Variants in IMMP2L observed in about 807,000 individuals in gnomAD.
IMMP2L encodes the protein inner mitochondrial membrane peptidase subunit 2.
In IMMP2L, 18 loss-of-function variants were observed where a neutral mutation model predicts 19.3. The observed-to-expected ratio is 0.93, with a 90% confidence interval of 0.64 to 1.38. The LOEUF is 1.38. IMMP2L is among the 40% of genes most tolerant of loss of function. The pLI is 0.00. For missense variants in IMMP2L, 233 were observed against 218.2 expected (o/e 1.07, Z -0.43); for synonymous variants, 76 against 73.0 (o/e 1.04, Z -0.21).
intron 3 of IMMP2L, among the ~76,000 whole-genome samples, chr7:111,251,652 C>T (rs1816136264): frequency 6.6e-6 from 1 of 152,006 alleles, no homozygotes; most frequent in Non-Finnish European, 1.5e-5. Flanking sequence ...AACAGAAAAC[C>T]AAACACCACG....
intron 5 of IMMP2L, among the ~76,000 whole-genome samples, chr7:110,720,243 G>A (rs910149593): frequency 8.5e-5 from 13 of 152,128 alleles, no homozygotes; most frequent in African/African-American, 3.1e-4. Context: ...TGGCTGTTAA[G>A]AGGCTTATAA....
At chr7:110,830,483 G>A (rs138432681) in intron 5 of IMMP2L, among the ~76,000 whole-genome samples, 162 of 152,198 alleles carry the variant, frequency 1.1e-3, no homozygotes, top group Non-Finnish European at 1.9e-3. Context: ...AGTGGACACA[G>A]TTTTACATAC....
At chr7:111,556,008 C>CTGTG (rs149893305) in intron 1 of IMMP2L, among the ~76,000 whole-genome samples, 5 of 17,244 alleles carry the variant, frequency 2.9e-4, no homozygotes, top group Admixed American at 9.5e-4. Context: ...CATCCCTCTT[C>CTGTG]TGTGTGCATG....
intron 3 of IMMP2L, among the ~76,000 whole-genome samples, chr7:111,342,304 C>T (rs37644): frequency 0.19 from 29,224 of 151,892 alleles, 4,802 homozygotes; most frequent in African/African-American, 0.45. Context: ...ATACAAAGAA[C>T]AAAGGTTGGC....
intron 3 of IMMP2L, among the ~76,000 whole-genome samples, chr7:111,072,003 G>A (rs573027277): frequency 5.3e-5 from 8 of 152,038 alleles, no homozygotes; most frequent in South Asian, 4.1e-4. Context: ...GAGTGAAAAT[G>A]TTAAAAGGAA....
chr7:110,732,193 G>A (rs1796315906), intron 5 of IMMP2L, among the ~76,000 whole-genome samples: 1 of 152,170 alleles, frequency 6.6e-6, no homozygotes, highest in African/African-American at 2.4e-5. Flanking sequence ...GGGAGCTGAA[G>A]AGGCAACAAG....
chr7:111,114,750 AAAAG>A (rs1268984004), intron 3 of IMMP2L, among the ~76,000 whole-genome samples: 2 of 151,790 alleles, frequency 1.3e-5, no homozygotes, highest in African/African-American at 2.4e-5. Flanking sequence ...AAAAAAAAAA[AAAAG>A]AAAGAAAGAA....
chr7:111,352,072 C>T (rs1317658840), intron 3 of IMMP2L, among the ~76,000 whole-genome samples: 1 of 152,032 alleles, frequency 6.6e-6, no homozygotes, highest in Admixed American at 6.6e-5. Flanking sequence ...ATTAACACAA[C>T]AAATATATAC....
intron 4 of IMMP2L, among the ~76,000 whole-genome samples, chr7:110,925,522 C>T (rs923440867): frequency 1.1e-4 from 17 of 152,132 alleles, no homozygotes; most frequent in Admixed American, 8.5e-4. Flanking sequence ...TGAAAAGATA[C>T]GAGACTACTT....
chr7:111,332,430 T>C (rs945632472), intron 3 of IMMP2L, among the ~76,000 whole-genome samples: 1 of 152,004 alleles, frequency 6.6e-6, no homozygotes, highest in African/African-American at 2.4e-5. Context: ...GCATTAAATG[T>C]AACAAAGAAG....
chr7:111,352,210 G>T (rs1199871573), intron 3 of IMMP2L, among the ~76,000 whole-genome samples: 2 of 152,022 alleles, frequency 1.3e-5, no homozygotes, highest in Non-Finnish European at 2.9e-5. Context: ...GGATATGGGA[G>T]AAGTATTTTT....
intron 5 of IMMP2L, among the ~76,000 whole-genome samples, chr7:110,673,332 G>C (rs574230702): frequency 6.6e-6 from 1 of 152,186 alleles, no homozygotes; most frequent in Non-Finnish European, 1.5e-5. Flanking sequence ...GTAGGTCCTG[G>C]GCCCAGCCCA....
At chr7:111,506,829 GT>G (rs113032357) in intron 2 of IMMP2L, among the ~76,000 whole-genome samples, 3,035 of 152,014 alleles carry the variant, frequency 0.02, 100 homozygotes, top group African/African-American at 0.069. Flanking sequence ...TCTTTCTGAG[GT>G]TTTTTTTGTT....
intron 3 of IMMP2L, among the ~76,000 whole-genome samples, chr7:111,110,810 A>T (rs1158790229): frequency 6.6e-6 from 1 of 152,170 alleles, no homozygotes; most frequent in Non-Finnish European, 1.5e-5. Context: ...TTGTCTTGGC[A>T]TATTGGAACA....
chr7:111,284,582 G>A (rs1435159849), intron 3 of IMMP2L, among the ~76,000 whole-genome samples: 2 of 152,172 alleles, frequency 1.3e-5, no homozygotes, highest in South Asian at 4.1e-4. Flanking sequence ...TTTGCTTAAG[G>A]GTAGCAAGAG....
At chr7:110,813,628 T>C (rs138305026) in intron 5 of IMMP2L, among the ~76,000 whole-genome samples, 8 of 151,990 alleles carry the variant, frequency 5.3e-5, no homozygotes, top group African/African-American at 1.7e-4. Flanking sequence ...AAATATTGTT[T>C]AATCAAAGTC....
chr7:110,773,908 A>AT (rs1799204606), intron 5 of IMMP2L, among the ~76,000 whole-genome samples: 1 of 131,292 alleles, frequency 7.6e-6, no homozygotes, highest in African/African-American at 3.3e-5. Flanking sequence ...ATTGGGTAAA[A>AT]TAAAAAAAAA....
intron 3 of IMMP2L, among the ~76,000 whole-genome samples, chr7:111,278,226 C>T (rs1184702153): frequency 6.6e-6 from 1 of 152,178 alleles, no homozygotes; most frequent in Non-Finnish European, 1.5e-5. Flanking sequence ...AATATACAAA[C>T]AAATAATTTC....
intron 4 of IMMP2L, among the ~76,000 whole-genome samples, chr7:110,912,836 G>A (rs865805305): frequency 1.6e-4 from 24 of 152,056 alleles, no homozygotes; most frequent in African/African-American, 5.3e-4. Flanking sequence ...CTCAGGAACT[G>A]ATGCCTGAGA....
Sources: allele counts gnomAD v4.1 joint callset (sites outside exome capture counted in the v4.1 genomes callset), GRCh38; gene constraint gnomAD v4.1.1; transcripts MANE v1.5; gene names NCBI Gene and HGNC (gene_info 2026-07-23, HGNC 2026-07-21).